The following CDH18 variants were observed in gnomAD, a reference collection of about 807,000 sequenced individuals.
CDH18 encodes the protein cadherin-18.
Under a neutral mutation model 67.9 loss-of-function variants are expected in CDH18, and 31 were observed. The observed-to-expected ratio is 0.46, with a 90% confidence interval of 0.34 to 0.62. CDH18 has a LOEUF of 0.62. Ranked by LOEUF, CDH18 falls within the 20% of genes least tolerant of loss-of-function variation. The probability of loss-of-function intolerance (pLI) is 0.01; values close to 1 mark genes in which losing one functional copy is unlikely to be tolerated. For synonymous variants in CDH18, 362 were observed against 347.2 expected, an observed-to-expected ratio of 1.04 and a Z score of -0.48; for missense variants, 890 against 975.5, an observed-to-expected ratio of 0.91 and a Z score of 1.17.
At chr5:19,756,820 T>C (rs1771667362) in intron 3 of CDH18, among the ~76,000 whole-genome samples, 1 of 152,244 alleles carries the variant, frequency 6.6e-6, no homozygotes. Flanking sequence ...AATATTTTGC[T>C]AGTGGATCAC....
chr5:20,502,077 A>T (rs138343785), intron 1 of CDH18, among the ~76,000 whole-genome samples: 68 of 152,198 alleles, frequency 4.5e-4, no homozygotes, highest in African/African-American at 1.6e-3. Context: ...ATTGTTCAGA[A>T]ATGTTCCTGT....
chr5:20,266,946 G>C (rs187185803), intron 1 of CDH18, among the ~76,000 whole-genome samples: 1 of 152,178 alleles, frequency 6.6e-6, no homozygotes, highest in African/African-American at 2.4e-5. Context: ...TGTTCATTTT[G>C]GGGCAATCTG....
intron 4 of CDH18, among the ~76,000 whole-genome samples, chr5:19,727,832 T>A (rs1305569303): frequency 6.6e-6 from 1 of 152,178 alleles, no homozygotes; most frequent in Non-Finnish European, 1.5e-5. Context: ...AAGATGAATA[T>A]CTGATATTTT....
Position 20,371,463 on chromosome 5 carries a change from A to G in CDH18, c.-579-115958T>C, listed in dbSNP as rs532953780. On this transcript the variant is annotated intron_variant, in intron 1 of 14. Coordinates refer to the CDH18 transcript ENST00000507958. ...GGAGACTTTCTTTGGATTTGGCAAGATGGAACATGACAAGAGTATGCTTTA... is the reference window on the plus strand; with the variant it reads ...GGAGACTTTCTTTGGATTTGGCAAGGTGGAACATGACAAGAGTATGCTTTA... Among the ~76,000 whole-genome samples the G allele has an allele frequency of 5.8e-4, 88 of 152,316 alleles. 1 individual carries two copies. The highest frequency in any genetic ancestry group is 1.9e-3 in the African/African-American group (79 of 41,568).
intron 1 of CDH18, among the ~76,000 whole-genome samples, chr5:20,328,532 T>C (rs973062296): frequency 6.6e-6 from 1 of 150,710 alleles, no homozygotes; most frequent in Admixed American, 6.6e-5. Flanking sequence ...AGAGAGAGAT[T>C]ATATGTGTTG....
chr5:20,539,355 T>C (rs1756921125), intron 1 of CDH18, among the ~76,000 whole-genome samples: 1 of 152,146 alleles, frequency 6.6e-6, no homozygotes, highest in Non-Finnish European at 1.5e-5. Context: ...TCCATTCTAG[T>C]AATATTTCAG....
chr5:19,596,637 A>T (rs775531027), intron 6 of CDH18, among the ~76,000 whole-genome samples: 5 of 152,192 alleles, frequency 3.3e-5, no homozygotes, highest in Non-Finnish European at 7.3e-5. Context: ...ATTGCAAAAA[A>T]CTGTTCAAAT....
chr5:19,587,552 T>C (rs1188353751), intron 7 of CDH18, among the ~76,000 whole-genome samples: 1 of 152,146 alleles, frequency 6.6e-6, no homozygotes, highest in East Asian at 1.9e-4. Flanking sequence ...TAGGGAATCC[T>C]TTCTCCATTG....
At chr5:19,626,800 T>C (rs927779174) in intron 5 of CDH18, among the ~76,000 whole-genome samples, 3 of 152,176 alleles carry the variant, frequency 2.0e-5, no homozygotes, top group African/African-American at 2.4e-5. Context: ...GGCTTATGGT[T>C]TTAACTAGGA....
At chr5:20,044,172 G>GT (rs1262044454) in intron 2 of CDH18, among the ~76,000 whole-genome samples, 4 of 52,302 alleles carry the variant, frequency 7.6e-5, no homozygotes, top group African/African-American at 1.3e-4. Context: ...CTATTTAACT[G>GT]TTAAAAAAAA....
intron 1 of CDH18, among the ~76,000 whole-genome samples, chr5:20,276,277 T>C (rs1745804625): frequency 6.6e-6 from 1 of 152,128 alleles, no homozygotes. Context: ...CAGGAGAGAC[T>C]CCTCCCTTCA....
chr5:19,539,063 A>G (rs1749835392), intron 9 of CDH18, among the ~76,000 whole-genome samples: 1 of 152,248 alleles, frequency 6.6e-6, no homozygotes, highest in African/African-American at 2.4e-5. Context: ...TGACATTAAC[A>G]GGCAATTAAG....
intron 2 of CDH18, among the ~76,000 whole-genome samples, chr5:20,221,043 T>C (rs1437333172): frequency 6.6e-6 from 1 of 151,960 alleles, no homozygotes; most frequent in Non-Finnish European, 1.5e-5. Flanking sequence ...TAATACAATA[T>C]TTAGGGAGAA....
intron 3 of CDH18, among the ~76,000 whole-genome samples, chr5:19,837,464 CTAATA>C (rs1168133933): frequency 1.3e-5 from 2 of 151,536 alleles, no homozygotes; most frequent in African/African-American, 2.4e-5. Flanking sequence ...TTCTACTAAT[CTAATA>C]TATTATGCTT....
chr5:20,210,173 C>A (rs1349921359), intron 2 of CDH18, among the ~76,000 whole-genome samples: 5 of 151,752 alleles, frequency 3.3e-5, no homozygotes, highest in Admixed American at 6.6e-5. Context: ...TTTTCCAGAA[C>A]CTACAAGAAC....
intron 1 of CDH18, among the ~76,000 whole-genome samples, chr5:20,559,795 G>A (rs1159909917): frequency 6.6e-6 from 1 of 152,058 alleles, no homozygotes; most frequent in Non-Finnish European, 1.5e-5. Context: ...ATAGTTTGAT[G>A]TCTACCCACT....
chr5:19,733,192 C>T (rs1330370518), intron 4 of CDH18, among the ~76,000 whole-genome samples: 1 of 152,180 alleles, frequency 6.6e-6, no homozygotes, highest in Non-Finnish European at 1.5e-5. Flanking sequence ...GACCAAGCTA[C>T]AAGTCAAATT....
chr5:20,057,052 TAAG>T (rs1056781292), intron 2 of CDH18, among the ~76,000 whole-genome samples: 5 of 152,138 alleles, frequency 3.3e-5, no homozygotes, highest in African/African-American at 1.2e-4. Flanking sequence ...TGTACAAATC[TAAG>T]ATGTCATCCC....
intron 1 of CDH18, among the ~76,000 whole-genome samples, chr5:20,383,622 A>T (rs1022677266): frequency 6.6e-6 from 1 of 152,136 alleles, no homozygotes; most frequent in Admixed American, 6.6e-5. Flanking sequence ...TGCTTAATTT[A>T]CTATTGTATT....
Sources: allele counts gnomAD v4.1 joint callset (sites outside exome capture counted in the v4.1 genomes callset), GRCh38; gene constraint gnomAD v4.1.1; transcripts MANE v1.5; gene names NCBI Gene and HGNC (gene_info 2026-07-23, HGNC 2026-07-21).